SCAPER: variants seen among roughly 807,000 people sequenced by gnomAD.
SCAPER encodes the protein S phase cyclin A-associated protein in the endoplasmic reticulum.
In SCAPER, 98 loss-of-function variants were observed where a neutral mutation model predicts 182.2. The observed-to-expected ratio is 0.54, with a 90% CI of 0.46 to 0.64. The LOEUF (loss-of-function observed/expected upper bound fraction) is 0.64, where lower values mean the gene tolerates loss of function less well. Ranked by LOEUF, SCAPER falls within the 30% of genes least tolerant of loss-of-function variation. SCAPER has a pLI of 0.00. For synonymous variants in SCAPER, 605 were observed against 564.6 expected (o/e 1.07, Z -1.01); for missense variants, 1,432 against 1,690.0 (o/e 0.85, Z 2.68).
chr15:76,467,089 T>C (rs769598994), intron 25 of SCAPER, among the ~76,000 whole-genome samples: 7 of 152,140 alleles, frequency 4.6e-5, no homozygotes, highest in African/African-American at 7.2e-5. Context: ...TCTCCAGCCA[T>C]GTAAAATGTA....
chr15:76,425,971 G>A (rs1189968657), intron 26 of SCAPER, among the ~76,000 whole-genome samples: 16 of 152,194 alleles, frequency 1.1e-4, no homozygotes, highest in Non-Finnish European at 1.5e-5. Context: ...CGTTCTTCTG[G>A]AAGCTTCGTC....
intron 1 of SCAPER, among the ~76,000 whole-genome samples, chr15:76,899,363 C>T (rs2074622517): frequency 6.6e-6 from 1 of 152,210 alleles, no homozygotes; most frequent in Non-Finnish European, 1.5e-5. Context: ...TGGGTTTCGC[C>T]ATGTTGACCG....
At chr15:76,429,528 A>G (rs1189100120) in intron 26 of SCAPER, among the ~76,000 whole-genome samples, 1 of 152,142 alleles carries the variant, frequency 6.6e-6, no homozygotes, top group African/African-American at 2.4e-5. Flanking sequence ...AATTGTTGGG[A>G]ACTGGAGCAA....
chr15:76,752,934 T>TA (rs1434884169), intron 15 of SCAPER, among the ~76,000 whole-genome samples: 3 of 151,508 alleles, frequency 2.0e-5, no homozygotes, highest in East Asian at 1.9e-4. Context: ...TACATGTATT[T>TA]AAAAAAAATG....
chr15:76,667,342 C>T (rs935463096), intron 20 of SCAPER, among the ~76,000 whole-genome samples: 3 of 152,202 alleles, frequency 2.0e-5, no homozygotes, highest in East Asian at 1.9e-4. Flanking sequence ...TTGCTAGGTC[C>T]TTTTCCTCTT....
At chr15:76,471,883 G>C (rs180711942) in intron 24 of SCAPER, among the ~76,000 whole-genome samples, 227 of 152,266 alleles carry the variant, frequency 1.5e-3, no homozygotes, top group Admixed American at 2.4e-3. Context: ...ATCTTTCCCA[G>C]AGTGTAAAAA....
intron 23 of SCAPER, among the ~76,000 whole-genome samples, chr15:76,527,468 T>C (rs2043295874): frequency 1.3e-5 from 2 of 152,216 alleles, no homozygotes; most frequent in Admixed American, 6.5e-5. Flanking sequence ...ATACAGTTAC[T>C]GAGCTGGCAG....
intron 15 of SCAPER, among the ~76,000 whole-genome samples, chr15:76,737,374 AAG>A (rs1393728976): frequency 6.6e-6 from 1 of 152,206 alleles, no homozygotes; most frequent in African/African-American, 2.4e-5. Context: ...TAAAATTTTG[AAG>A]AGTCTTCTTT....
chr15:76,549,400 T>C (rs1432859684), intron 23 of SCAPER, among the ~76,000 whole-genome samples: 1 of 152,124 alleles, frequency 6.6e-6, no homozygotes, highest in Admixed American at 6.5e-5. Flanking sequence ...AATATGCACA[T>C]ATACACCATG....
chr15:76,608,758 C>T (rs1367371494), intron 22 of SCAPER, among the ~76,000 whole-genome samples: 3 of 152,218 alleles, frequency 2.0e-5, no homozygotes, highest in African/African-American at 4.8e-5. Flanking sequence ...TGCTGCCTTG[C>T]AGTTTGGTCT....
chr15:76,698,524 A>AAAAAAATGCAAGCATAT (rs2058768136), intron 20 of SCAPER, among the ~76,000 whole-genome samples: 1 of 152,144 alleles, frequency 6.6e-6, no homozygotes, highest in Non-Finnish European at 1.5e-5. Context: ...TATGATGCCT[A>AAAAAAATGCAAGCATAT]AAAAAATGCA....
At chr15:76,413,723 G>A (rs762698082) in intron 26 of SCAPER, among the ~76,000 whole-genome samples, 2 of 152,196 alleles carry the variant, frequency 1.3e-5, no homozygotes, top group African/African-American at 2.4e-5. Flanking sequence ...TCCTAAGATT[G>A]TGGGGGTTTC....
intron 22 of SCAPER, among the ~76,000 whole-genome samples, chr15:76,615,961 CA>C (rs1428962085): frequency 1.3e-5 from 2 of 151,858 alleles, no homozygotes; most frequent in Admixed American, 6.6e-5. Flanking sequence ...TCAAAAAAAG[CA>C]GAAAATAACA....
At chr15:76,668,593 C>T (rs1184353372) in intron 20 of SCAPER, among the ~76,000 whole-genome samples, 1 of 152,208 alleles carries the variant, frequency 6.6e-6, no homozygotes, top group Non-Finnish European at 1.5e-5. Context: ...TTTACGTGGT[C>T]TTGACCAAAG....
At chr15:76,427,843 G>A (rs960970798) in intron 26 of SCAPER, among the ~76,000 whole-genome samples, 3 of 151,820 alleles carry the variant, frequency 2.0e-5, no homozygotes, top group African/African-American at 7.3e-5. Context: ...TGAGGCAGGG[G>A]CATCACTTGA....
chr15:76,794,630 T>G (rs1019769744), intron 8 of SCAPER, among the ~76,000 whole-genome samples: 3 of 152,230 alleles, frequency 2.0e-5, no homozygotes, highest in Non-Finnish European at 4.4e-5. Context: ...CAGAAAGCAG[T>G]GTCTGAAGTT....
At chr15:76,434,399 T>A in intron 25 of SCAPER, 89 bp from the exon 26 acceptor site, 1 of 932,896 alleles carries the variant, frequency 1.1e-6, no homozygotes, top group Non-Finnish European at 1.6e-6. Flanking sequence ...GAATCATAAG[T>A]AATTTTGACA....
At chr15:76,653,149 T>C (rs1405866469) in intron 21 of SCAPER, among the ~76,000 whole-genome samples, 2 of 151,890 alleles carry the variant, frequency 1.3e-5, no homozygotes, top group Non-Finnish European at 2.9e-5. Context: ...CCTAAGAATA[T>C]AGCTGACCAA....
intron 12 of SCAPER, 53 bp from the exon 13 acceptor site, chr15:76,765,507 T>C: frequency 6.2e-6 from 10 of 1,609,174 alleles, no homozygotes; most frequent in South Asian, 1.1e-5. Flanking sequence ...TATAAAACAT[T>C]TGAGAACAAA....
Sources: allele counts gnomAD v4.1 joint callset (sites outside exome capture counted in the v4.1 genomes callset), GRCh38; gene constraint gnomAD v4.1.1; transcripts MANE v1.5; gene names NCBI Gene and HGNC (gene_info 2026-07-23, HGNC 2026-07-21).